ZNF367: variants seen among roughly 807,000 people sequenced by gnomAD.
ZNF367 encodes C2H2 zinc finger protein ZFF29.
Under a neutral mutation model 31.8 loss-of-function variants are expected in ZNF367, and 11 were observed. The observed-to-expected ratio is 0.35, with a 90% CI of 0.22 to 0.57. The LOEUF is 0.57. Ranked by LOEUF, ZNF367 falls within the 20% of genes least tolerant of loss-of-function variation. The probability of loss-of-function intolerance (pLI) is 0.85; values close to 1 mark genes in which losing one functional copy is unlikely to be tolerated. For missense variants in ZNF367, 353 were observed against 484.1 expected, an observed-to-expected ratio of 0.73 and a Z score of 2.54; for synonymous variants, 199 against 202.4, an observed-to-expected ratio of 0.98 and a Z score of 0.14.
rs970385868 is a variant in ZNF367, at chr9:96,393,879, T to C, written c.691+944A>G. Among the ~76,000 whole-genome samples, 4 of 152,180 alleles carry C rather than the reference T, an allele frequency of 2.6e-5. No homozygotes were observed. The East Asian group carries it at 7.7e-4, about 29-fold the overall frequency. On this transcript the variant is annotated intron_variant, in intron 3 of 4. Coordinates refer to ENST00000375256, the MANE Select transcript of ZNF367 (RefSeq NM_153695.4). ...CATTATTCAACATAGAGGAAACCAT[T>C]GCATATAGGCTTAAGCAAACTTGCT... is the stretch of plus-strand genomic sequence containing the variant.
At chr9:96,401,913 C>A (rs1831609167) in intron 1 of ZNF367, among the ~76,000 whole-genome samples, 1 of 151,492 alleles carries the variant, frequency 6.6e-6, no homozygotes, top group African/African-American at 2.4e-5. Context: ...GCAGGAGGAT[C>A]ACTTGAGCCC....
rs1295416857 is a variant in ZNF367 at position 96,415,255 on chromosome 9, G to A, written c.420+2358C>T. On this transcript the variant is annotated intron_variant, in intron 1 of 4. Transcript: ENST00000375256. Reference sequence around the variant, plus strand: ...TTTTTTTTTTTGTATTTTTAGTAGAGACGGGGTTTCACCGTGTTAGCCAGG... The same window carrying A: ...TTTTTTTTTTTGTATTTTTAGTAGAAACGGGGTTTCACCGTGTTAGCCAGG... Among the ~76,000 whole-genome samples, 11 of 140,692 alleles carry A rather than the reference G, an allele frequency of 7.8e-5. No individual in the cohort carries two copies. In the East Asian group the frequency reaches 2.3e-3, roughly 30 times the overall value. 92.3% of individuals were successfully genotyped at this position (140,692 alleles called of 152,430 possible).
intron 1 of ZNF367, among the ~76,000 whole-genome samples, chr9:96,406,858 T>C (rs1053144179): frequency 6.6e-6 from 1 of 151,470 alleles, no homozygotes; most frequent in Non-Finnish European, 1.5e-5. Flanking sequence ...AAAAATTAGC[T>C]GGGCGCGGTG....
At chr9:96,403,697 G>A (rs1470313760) in intron 1 of ZNF367, among the ~76,000 whole-genome samples, 1 of 152,098 alleles carries the variant, frequency 6.6e-6, no homozygotes, top group East Asian at 1.9e-4. Context: ...TTAGAGTACA[G>A]AACCTAACCT....
chr9:96,394,668 T>C (rs1028017879), intron 3 of ZNF367, among the ~76,000 whole-genome samples, 155 bp downstream of exon 3: 2 of 152,168 alleles, frequency 1.3e-5, no homozygotes, highest in Non-Finnish European at 2.9e-5. Context: ...TTCTGAGAAA[T>C]TCAGCATGTA....
Position 96,388,191 on chromosome 9 carries a change from G to T in ZNF367, c.*46C>A. The T allele has an allele frequency of 6.5e-7, 1 of 1,529,736 alleles. No homozygotes were observed. The highest frequency in any genetic ancestry group is 8.8e-7 in the Non-Finnish European group (1 of 1,135,636). The allele number at this position is 1,529,736 out of a possible 1,614,324, so 94.8% of individuals were successfully genotyped here. The stretch of plus-strand genomic sequence containing the variant: ...TTATGCCCAAGGATCTACTTTTTAA[G>T]TATGCTGGGCAGTACTTTTGTACAG... On this transcript the variant is annotated 3_prime_UTR_variant, in exon 5 of 5. Coordinates refer to ENST00000375256, the MANE Select transcript of ZNF367 (RefSeq NM_153695.4).
chr9:96,404,781 T>C (rs761933690), intron 1 of ZNF367, among the ~76,000 whole-genome samples: 4 of 152,118 alleles, frequency 2.6e-5, no homozygotes, highest in Non-Finnish European at 2.9e-5. Context: ...TGTAAAACTT[T>C]TGTACATCAC....
intron 4 of ZNF367, among the ~76,000 whole-genome samples, chr9:96,391,810 A>C (rs918000916): frequency 3.9e-5 from 6 of 152,028 alleles, no homozygotes; most frequent in African/African-American, 1.4e-4. Context: ...TCACTCTGTC[A>C]CCCAGGCTGG....
rs1831419072 is a variant in ZNF367, at chr9:96,387,563, T to C, written c.*674A>G. 1 of 152,196 alleles carries C rather than the reference T, an allele frequency of 6.6e-6. No homozygotes were observed. The allele number at this position is 152,196 out of a possible 1,614,324, so 9.4% of individuals were successfully genotyped here. On this transcript the variant is annotated 3_prime_UTR_variant, in exon 5 of 5. Transcript: ENST00000375256. ...TAGGGATGACAAGTGCTTTTCAAAC[T>C]TAAACATTATACTGAGTTGTAAAGC...
intron 1 of ZNF367, among the ~76,000 whole-genome samples, chr9:96,409,865 A>ATC (rs1311569689): frequency 6.6e-6 from 1 of 152,250 alleles, no homozygotes; most frequent in African/African-American, 2.4e-5. Context: ...TTATGGTCAT[A>ATC]TCATGAATAA....
rs1831733712 is a variant in ZNF367, at chr9:96,410,573, A to AC, written c.420+7039_420+7040insG. 6.1e-5 allele frequency among the ~76,000 whole-genome samples: 9 copies of AC among 147,530 alleles called. No individual in the cohort carries two copies. The South Asian group carries it at 1.7e-3, about 28-fold the overall frequency. On this transcript the variant is annotated intron_variant, in intron 1 of 4. Transcript: ENST00000375256. ...AGAGACTCCGTCTCAAAAAAAAAAA[A>AC]AAAAAACAAAAAAAACCATAGACCA...
intron 2 of ZNF367, 93 bp from the exon 3 acceptor site, chr9:96,395,035 C>A: frequency 7.3e-7 from 1 of 1,374,830 alleles, no homozygotes; most frequent in South Asian, 1.3e-5. Context: ...TAGGTCATGA[C>A]TCCCAATAAC....
chr9:96,388,196 C>A lies in ZNF367; in HGVS notation c.*41G>T, dbSNP rs113271787. 16 of 1,555,654 alleles carry A rather than the reference C, an allele frequency of 1.0e-5. No homozygotes were observed. In the African/African-American group the frequency reaches 1.6e-4, roughly 16 times the overall value. On this transcript the variant is annotated 3_prime_UTR_variant, in exon 5 of 5. Coordinates refer to ENST00000375256, the MANE Select transcript of ZNF367 (RefSeq NM_153695.4). ...CCCAAGGATCTACTTTTTAAGTATG[C>A]TGGGCAGTACTTTTGTACAGTGGAA... is the stretch of plus-strand genomic sequence containing the variant.
chr9:96,391,889 C>G (rs1029329560), intron 4 of ZNF367, among the ~76,000 whole-genome samples: 1 of 152,184 alleles, frequency 6.6e-6, no homozygotes, highest in Non-Finnish European at 1.5e-5. Flanking sequence ...AGCGATTCTT[C>G]TGCCTCAATC....
Position 96,386,708 on chromosome 9 carries a change from TCTC to T in ZNF367, c.*1526_*1528del, listed in dbSNP as rs1052489425. The stretch of plus-strand genomic sequence containing the variant: ...CTATCGTATCTTCTTTCATACTTTT[TCTC>T]CTCTTCAAGACATTTACATGCCTCC... On this transcript the variant is annotated 3_prime_UTR_variant, in exon 5 of 5. Transcript: ENST00000375256. 3.3e-5 allele frequency: 5 copies of T among 152,184 alleles called. No homozygotes were observed. The highest frequency in any genetic ancestry group is 7.2e-5 in the African/African-American group (3 of 41,456). The allele number at this position is 152,184 out of a possible 1,614,324, so 9.4% of individuals were successfully genotyped here.
rs777989914 is a variant in ZNF367 at position 96,398,249 on chromosome 9, A to G, written c.486T>C (p.His162=). 4.3e-6 allele frequency: 7 copies of G among 1,613,852 alleles called. No homozygotes were observed. Among genetic ancestry groups the G allele is most frequent in the Non-Finnish European group, 5.9e-6 (7 of 1,179,848 alleles). The change falls in exon 2 of 5, where the codon CAT becomes CAC. Residue 162 remains histidine, a synonymous_variant. Transcript: ENST00000375256. ...TVRDLINEGE[H]SSSRIRCNIC... ...TGTTACAACGGATTCTGCTGGATGAATGCTCTCCTTCATTTATTAAATCGC... is the reference window on the plus strand; with the variant it reads ...TGTTACAACGGATTCTGCTGGATGAGTGCTCTCCTTCATTTATTAAATCGC...
At chr9:96,409,433 A>T (rs1271290275) in intron 1 of ZNF367, among the ~76,000 whole-genome samples, 2 of 152,196 alleles carry the variant, frequency 1.3e-5, no homozygotes, top group African/African-American at 2.4e-5. Context: ...AGGACACATA[A>T]CATGAGCCAT....
intron 4 of ZNF367, 97 bp downstream of exon 4, chr9:96,392,301 T>G (rs1414028489): frequency 6.4e-7 from 1 of 1,558,700 alleles, no homozygotes. Context: ...TGTGTATAAA[T>G]GCAGCTTATT....
intron 4 of ZNF367, among the ~76,000 whole-genome samples, chr9:96,392,124 T>C (rs1362447618): frequency 6.6e-6 from 1 of 152,080 alleles, no homozygotes; most frequent in Non-Finnish European, 1.5e-5. Flanking sequence ...ATACAATACA[T>C]ATAAAACATT....
Sources: allele counts gnomAD v4.1 joint callset (sites outside exome capture counted in the v4.1 genomes callset), GRCh38; gene constraint gnomAD v4.1.1; transcripts MANE v1.5; gene names NCBI Gene and HGNC (gene_info 2026-07-23, HGNC 2026-07-21).